Variants in TMEM182 observed in about 807,000 individuals in gnomAD.
TMEM182 encodes the protein transmembrane protein 182.
Under a neutral mutation model 26.8 loss-of-function variants are expected in TMEM182, and 20 were observed. That is an observed-to-expected ratio of 0.75 (90% CI 0.53 to 1.09). TMEM182 has a LOEUF of 1.09. TMEM182 is among the 50% of genes least tolerant of loss of function. The probability of loss-of-function intolerance (pLI) is 0.00; values close to 1 mark genes in which losing one functional copy is unlikely to be tolerated. For missense variants in TMEM182, 277 were observed against 275.5 expected (o/e 1.01, Z -0.04); for synonymous variants, 109 against 102.2 (o/e 1.07, Z -0.40).
chr2:102,741,790 G>A (rs1679552575), intron 1 of TMEM182, among the ~76,000 whole-genome samples: 1 of 152,028 alleles, frequency 6.6e-6, no homozygotes, highest in Non-Finnish European at 1.5e-5. Flanking sequence ...AAGTTTCTAG[G>A]GACACCCAAA....
chr2:102,784,712 A>G (rs1258943471), intron 3 of TMEM182, among the ~76,000 whole-genome samples: 4 of 152,228 alleles, frequency 2.6e-5, no homozygotes, highest in Non-Finnish European at 4.4e-5. Flanking sequence ...TATATGCTAA[A>G]CAAAGGGTGG....
At chr2:102,812,725 C>T (rs753834731) in intron 4 of TMEM182, among the ~76,000 whole-genome samples, 28 of 152,172 alleles carry the variant, frequency 1.8e-4, no homozygotes, top group Non-Finnish European at 2.5e-4. Context: ...AAGGCAATTT[C>T]CTTTTTCCAT....
chr2:102,748,694 C>A (rs1055022175), intron 1 of TMEM182, among the ~76,000 whole-genome samples: 1 of 152,168 alleles, frequency 6.6e-6, no homozygotes, highest in African/African-American at 2.4e-5. Flanking sequence ...TTGTGACCTC[C>A]TAAGTTAAAA....
intron 4 of TMEM182, 46 bp downstream of exon 4, chr2:102,798,046 C>G: frequency 6.4e-7 from 1 of 1,562,352 alleles, no homozygotes. Context: ...GGTTTTTCTT[C>G]ATGTCTTTCT....
rs372914205 is a variant in TMEM182 at position 102,764,321 on chromosome 2, C to A, written c.233-8C>A. On this transcript the variant is annotated splice_polypyrimidine_tract_variant and splice_region_variant and intron_variant, in intron 2 of 4. Coordinates refer to ENST00000412401, the MANE Select transcript of TMEM182 (RefSeq NM_144632.5). Reference sequence around the variant, plus strand: ...TAACAAGTGCCATTGTTTTGCTGTTCTTCCTAGCCAATCAGCCACCGTCCA... The same window carrying A: ...TAACAAGTGCCATTGTTTTGCTGTTATTCCTAGCCAATCAGCCACCGTCCA... The A allele has an allele frequency of 6.2e-7, 1 of 1,613,432 alleles. No individual in the cohort carries two copies. The highest frequency in any genetic ancestry group is 1.3e-5 in the African/African-American group (1 of 74,964).
At chr2:102,803,758 G>A (rs531358173) in intron 4 of TMEM182, among the ~76,000 whole-genome samples, 38 of 152,318 alleles carry the variant, frequency 2.5e-4, no homozygotes, top group African/African-American at 7.7e-4. Context: ...AGGATGTGGC[G>A]GCTGTCAGAG....
chr2:102,763,917 T>C (rs1359594967), intron 2 of TMEM182, among the ~76,000 whole-genome samples: 1 of 152,224 alleles, frequency 6.6e-6, no homozygotes, highest in Non-Finnish European at 1.5e-5. Flanking sequence ...AGAAGAATTT[T>C]TTTATTAATT....
Position 102,765,918 on chromosome 2 carries a change from A to G in TMEM182, c.331+1491A>G, listed in dbSNP as rs141485600. 1.6e-4 allele frequency among the ~76,000 whole-genome samples: 24 copies of G among 152,326 alleles called. No individual in the cohort carries two copies. The East Asian group carries it at 4.0e-3, about 26-fold the overall frequency. On this transcript the variant is annotated intron_variant, in intron 3 of 4. Transcript: ENST00000412401. ...TGTCTAATGGACTTAGAAGTATACAAGCCTACCTGTCACTAGTAAGGGAAG... is the reference window on the plus strand; with the variant it reads ...TGTCTAATGGACTTAGAAGTATACAGGCCTACCTGTCACTAGTAAGGGAAG...
In TMEM182 at chr2:102,815,164, G is replaced by T; in HGVS notation, c.*196G>T. 1 of 1,402,478 alleles carries T rather than the reference G, an allele frequency of 7.1e-7. No individual in the cohort carries two copies. Among genetic ancestry groups the T allele is most frequent in the Non-Finnish European group, 9.2e-7 (1 of 1,083,376 alleles). The allele number at this position is 1,402,478 out of a possible 1,614,324, so 86.9% of individuals were successfully genotyped here. A position where few individuals can be genotyped will look rare whatever the true frequency, so the allele number is the denominator to read the frequency against. Reference sequence around the variant, plus strand: ...CCAGACACCAGCAAGCCTCTATCTTGTCTAAGTGCTGTCAAGGACCTAGTT... The same window carrying T: ...CCAGACACCAGCAAGCCTCTATCTTTTCTAAGTGCTGTCAAGGACCTAGTT... On this transcript the variant is annotated 3_prime_UTR_variant, in exon 5 of 5. Transcript: ENST00000412401.
At chr2:102,813,068 C>T (rs1336634798) in intron 4 of TMEM182, among the ~76,000 whole-genome samples, 1 of 151,958 alleles carries the variant, frequency 6.6e-6, no homozygotes, top group Admixed American at 6.6e-5. Context: ...CTCTGTGAGC[C>T]AATATTTGCA....
chr2:102,843,392 T>C (rs1683389148), intron 3 of TMEM182: 1 of 152,244 alleles, frequency 6.6e-6, no homozygotes, highest in African/African-American at 2.4e-5. Context: ...ACTCTTCTAA[T>C]AAATTTCACT....
chr2:102,742,389 C>T lies in TMEM182; in HGVS notation c.-83+5376C>T, dbSNP rs13390942. Among the ~76,000 whole-genome samples, 1,434 of 151,942 alleles carry T rather than the reference C, an allele frequency of 9.4e-3. 22 individuals are homozygous for T. The highest frequency in any genetic ancestry group is 0.032 in the African/African-American group (1,334 of 41,430). ...AAAAGAATTGAATATTAATGAATTG[C>T]GAGATAATTTCAAGAGGTATAAGAT... On this transcript the variant is annotated intron_variant, in intron 1 of 5. Coordinates refer to the TMEM182 transcript ENST00000409173.
intron 3 of TMEM182, among the ~76,000 whole-genome samples, chr2:102,832,117 T>C (rs1457928937): frequency 6.6e-6 from 1 of 152,212 alleles, no homozygotes; most frequent in Non-Finnish European, 1.5e-5. Flanking sequence ...ACAGTGGTCA[T>C]GTATTTCACT....
At chr2:102,772,845 A>G (rs112237439) in intron 3 of TMEM182, among the ~76,000 whole-genome samples, 2 of 152,298 alleles carry the variant, frequency 1.3e-5, no homozygotes, top group African/African-American at 4.8e-5. Context: ...TCTTATGATG[A>G]TATACCAATT....
chr2:102,781,289 T>G (rs938765790), intron 3 of TMEM182, among the ~76,000 whole-genome samples: 17 of 151,600 alleles, frequency 1.1e-4, no homozygotes, highest in Non-Finnish European at 2.1e-4. Flanking sequence ...CCTTAGCAAT[T>G]GGAGGGATGG....
At chr2:102,810,231 TA>T (rs1165103025) in intron 4 of TMEM182, among the ~76,000 whole-genome samples, 1 of 152,208 alleles carries the variant, frequency 6.6e-6, no homozygotes, top group Non-Finnish European at 1.5e-5. Context: ...TTTCTCGGGC[TA>T]AATTTTTCTC....
chr2:102,749,742 C>T (rs1164827931), intron 1 of TMEM182, among the ~76,000 whole-genome samples: 1 of 151,964 alleles, frequency 6.6e-6, no homozygotes, highest in African/African-American at 2.4e-5. Context: ...TCATCCTGTT[C>T]AAGAAAAGAT....
At chr2:102,756,810 CA>C (rs1449456061) in intron 1 of TMEM182, among the ~76,000 whole-genome samples, 2 of 143,910 alleles carry the variant, frequency 1.4e-5, no homozygotes, top group Non-Finnish European at 3.0e-5. Flanking sequence ...AGCACAATCC[CA>C]TTCTTTTTTC....
chr2:102,833,981 T>C lies in TMEM182; in HGVS notation c.326-9431T>C, dbSNP rs76392369. On this transcript the variant is annotated intron_variant, in intron 3 of 3. Transcript: ENST00000486293. Reference sequence around the variant, plus strand: ...TGAGGTCTGCTAAGTCAGTAACTTATCCCATTTGTGTAAATGGGACCTGGG... The same window carrying C: ...TGAGGTCTGCTAAGTCAGTAACTTACCCCATTTGTGTAAATGGGACCTGGG... Among the ~76,000 whole-genome samples, 911 of 152,314 alleles carry C rather than the reference T, an allele frequency of 6.0e-3. 8 individuals carry two copies. The highest frequency in any genetic ancestry group is 0.021 in the African/African-American group (888 of 41,576).
Sources: allele counts gnomAD v4.1 joint callset (sites outside exome capture counted in the v4.1 genomes callset), GRCh38; gene constraint gnomAD v4.1.1; transcripts MANE v1.5; gene names NCBI Gene and HGNC (gene_info 2026-07-23, HGNC 2026-07-21).